Variants in LGALS9 observed in about 807,000 individuals in gnomAD.
LGALS9 encodes the protein galectin-9.
A neutral mutation model predicts 35.9 loss-of-function variants in LGALS9; 26 were observed. The ratio of observed to expected loss-of-function variants is 0.72; its 90% CI spans 0.53 to 1.01. The LOEUF is 1.01. LGALS9 is among the 50% of genes least tolerant of loss of function. LGALS9 has a pLI of 0.00. For synonymous variants in LGALS9, 149 were observed against 172.2 expected (o/e 0.87, Z 1.06); for missense variants, 347 against 445.8 (o/e 0.78, Z 1.99).
rs756596962 is a variant in LGALS9, at chr17:27,645,874, T to C, written c.590T>C (p.Ile197Thr). The C allele has an allele frequency of 3.2e-5, 52 of 1,604,842 alleles. No individual in the cohort carries two copies. Among genetic ancestry groups the C allele is most frequent in the African/African-American group, 5.4e-5 (4 of 74,200 alleles). ...TCTTTCTTCCAGACCCAGACAGTCA[T>C]CCACACAGTGCAGAGCGCCCCTGGA... ...ANPAPITQTVIHTVQSAPGQM... is the reference protein window; with the variant it reads ...ANPAPITQTVTHTVQSAPGQM... The change falls in exon 7 of 11, where the codon ATC becomes ACC. Residue 197 changes from isoleucine (I) to threonine (T), a missense_variant. Ile to Thr is a moderately conservative substitution (Grantham distance 89). Coordinates refer to ENST00000395473, the MANE Select transcript of LGALS9 (RefSeq NM_009587.3).
At chr17:27,646,360 T>C (rs987682247) in intron 7 of LGALS9, among the ~76,000 whole-genome samples, 187 bp from the exon 8 acceptor site, 21 of 152,074 alleles carry the variant, frequency 1.4e-4, no homozygotes, top group Non-Finnish European at 2.2e-4. Flanking sequence ...TGGTGTGGTC[T>C]GGGAACACGG....
chr17:27,649,492 C>T lies in LGALS9; in HGVS notation c.*510C>T, dbSNP rs117905897. 4,440 of 178,414 alleles carry T rather than the reference C, an allele frequency of 0.025. 97 individuals carry two copies. Among genetic ancestry groups the T allele is most frequent in the South Asian group, 0.048 (383 of 7,982 alleles). 11.1% of individuals were successfully genotyped at this position (178,414 alleles called of 1,614,324 possible). A position where few individuals can be genotyped will look rare whatever the true frequency, so the allele number is the denominator to read the frequency against. ...CTCCACCACCTGACCAGAGTGTTCTCTTCAGAGGACTGGCTCCTTTCCCAG... is the reference window on the plus strand; with the variant it reads ...CTCCACCACCTGACCAGAGTGTTCTTTTCAGAGGACTGGCTCCTTTCCCAG... On this transcript the variant is annotated 3_prime_UTR_variant, in exon 11 of 11. Coordinates refer to ENST00000395473, the MANE Select transcript of LGALS9 (RefSeq NM_009587.3).
chr17:27,631,571 A>AG (rs2074393265), intron 1 of LGALS9, among the ~76,000 whole-genome samples: 1 of 152,180 alleles, frequency 6.6e-6, no homozygotes, highest in South Asian at 2.1e-4. Context: ...CTGTGTGCTC[A>AG]GGGGAAGACA....
chr17:27,642,820 C>G (rs1904622508), intron 4 of LGALS9, among the ~76,000 whole-genome samples: 2 of 152,180 alleles, frequency 1.3e-5, no homozygotes, highest in Admixed American at 1.3e-4. Context: ...AGACAGATAT[C>G]AGAGGTCACA....
rs565636636 is a variant in LGALS9 at position 27,642,250 on chromosome 17, G to A, written c.346G>A (p.Gly116Arg). The A allele has an allele frequency of 1.9e-5, 31 of 1,612,784 alleles. No individual in the cohort carries two copies. Among genetic ancestry groups the A allele is most frequent in the Admixed American group, 6.7e-5 (4 of 59,938 alleles). ...TCTCCTCTGGCAGGTGATGGTGAAC[G>A]GGATCCTCTTCGTGCAGTACTTCCA... ...QSSDFKVMVN[G>R]ILFVQYFHRV... Residue 116 changes from glycine to arginine, a missense_variant, in exon 4 of 11, where the codon GGG (glycine) becomes AGG (arginine). Gly to Arg is a moderately radical substitution (Grantham distance 125, BLOSUM62 -2). Coordinates refer to ENST00000395473, the MANE Select transcript of LGALS9 (RefSeq NM_009587.3).
chr17:27,642,508 T>C, intron 4 of LGALS9, 160 bp downstream of exon 4: 2 of 1,147,792 alleles, frequency 1.7e-6, no homozygotes, highest in East Asian at 5.2e-5. Context: ...CCCCTTCTCC[T>C]CTGTCACTCT....
chr17:27,646,659 G>A (rs1382773090), intron 8 of LGALS9, 71 bp downstream of exon 8: 16 of 1,607,928 alleles, frequency 1.0e-5, no homozygotes, highest in Non-Finnish European at 1.3e-5. Flanking sequence ...GGCCGCTGTG[G>A]GGGGATCCAC....
In LGALS9 at chr17:27,643,505, G is replaced by A. The variant is rs772413950; in HGVS notation, c.445-20G>A. On this transcript the variant is annotated intron_variant, in intron 4 of 10. Transcript: ENST00000395473. ...CTATTAATGCTTCTCCTCACTGCCC[G>A]GTGCCTTTTGTTTTAACAGAACCCC... The A allele has an allele frequency of 1.1e-5, 18 of 1,611,236 alleles. No homozygotes were observed. The highest frequency in any genetic ancestry group is 5.5e-5 in the South Asian group (5 of 90,928).
rs376055458 is a variant in LGALS9, at chr17:27,640,189, A to G, written c.132-383A>G. 4.6e-5 allele frequency among the ~76,000 whole-genome samples: 7 copies of G among 152,266 alleles called. No homozygotes were observed. In the East Asian group the frequency reaches 1.4e-3, roughly 29 times the overall value. On this transcript the variant is annotated intron_variant, in intron 2 of 10. Coordinates refer to ENST00000395473, the MANE Select transcript of LGALS9 (RefSeq NM_009587.3). ...TTGTTCTCTTCTTTCCCATTTAATC[A>G]GGCATGTGCTGGCCTCCAACAAGTG...
chr17:27,636,168 C>G (rs1038843699), intron 1 of LGALS9, among the ~76,000 whole-genome samples: 2 of 152,210 alleles, frequency 1.3e-5, no homozygotes, highest in Non-Finnish European at 2.9e-5. Context: ...TGTGGTCACA[C>G]AACTCAACAA....
At chr17:27,642,081 T>G in intron 3 of LGALS9, among the ~76,000 whole-genome samples, 157 bp from the exon 4 acceptor site, 1 of 152,068 alleles carries the variant, frequency 6.6e-6, no homozygotes, top group Middle Eastern at 3.2e-3. Flanking sequence ...AGACTCGGGT[T>G]GATGCACTTT....
chr17:27,639,360 C>T (rs1036366458), intron 2 of LGALS9, among the ~76,000 whole-genome samples: 5 of 151,952 alleles, frequency 3.3e-5, no homozygotes, highest in Non-Finnish European at 7.4e-5. Context: ...CCTCCCCCAC[C>T]CCCCAGCACC....
At chr17:27,636,020 C>T (rs1247035634) in intron 1 of LGALS9, among the ~76,000 whole-genome samples, 4 of 152,140 alleles carry the variant, frequency 2.6e-5, no homozygotes, top group African/African-American at 9.7e-5. Context: ...GAGTTCAGAC[C>T]TGACCTGAGG....
intron 1 of LGALS9, among the ~76,000 whole-genome samples, chr17:27,635,681 G>A (rs1003693246): frequency 1.3e-5 from 2 of 152,030 alleles, no homozygotes; most frequent in Non-Finnish European, 2.9e-5. Flanking sequence ...ATCACGCTCT[G>A]CCTTCAATTC....
intron 1 of LGALS9, among the ~76,000 whole-genome samples, chr17:27,636,083 CAG>C (rs745879753): frequency 6.6e-6 from 1 of 151,944 alleles, no homozygotes; most frequent in Non-Finnish European, 1.5e-5. Context: ...CTAACTGAAT[CAG>C]ATCCCAGATT....
At position 27,645,332 on chromosome 17, in the gene LGALS9, G is replaced by A; in HGVS notation, c.559G>A (p.Ala187Thr). The A allele has an allele frequency of 6.2e-7, 1 of 1,613,776 alleles. No individual in the cohort carries two copies. The highest frequency in any genetic ancestry group is 8.5e-7 in the Non-Finnish European group (1 of 1,179,840). Residue 187 changes from alanine to threonine, a missense_variant, in exon 6 of 11, where the codon GCC becomes ACC. Coordinates refer to ENST00000395473, the MANE Select transcript of LGALS9 (RefSeq NM_009587.3). The stretch of plus-strand genomic sequence containing the variant: ...CCTCCAGCCTCCCGGCGTGTGGCCT[G>A]CCAACCCGGCTCCCATTGTAAGTCT... The part of the protein sequence containing the change: ...RRQKPPGVWP[A>T]NPAPITQTVI...
intron 1 of LGALS9, among the ~76,000 whole-genome samples, chr17:27,634,477 A>AG (rs1352081006): frequency 1.3e-5 from 2 of 151,976 alleles, no homozygotes; most frequent in Admixed American, 6.6e-5. Context: ...CGTGAGCCTG[A>AG]GGAAGTGGAG....
At chr17:27,643,363 A>G (rs1204085011) in intron 4 of LGALS9, among the ~76,000 whole-genome samples, 162 bp from the exon 5 acceptor site, 1 of 152,136 alleles carries the variant, frequency 6.6e-6, no homozygotes, top group East Asian at 1.9e-4. Flanking sequence ...ACTGCTCACC[A>G]GAGCCTGGCT....
chr17:27,631,688 C>T (rs1440202458), intron 1 of LGALS9, among the ~76,000 whole-genome samples: 1 of 152,156 alleles, frequency 6.6e-6, no homozygotes, highest in Non-Finnish European at 1.5e-5. Flanking sequence ...GGTGGCCTCC[C>T]TGGGTCCAGC....
Sources: gnomAD v4.1 joint callset for allele counts (sites outside exome capture counted in the v4.1 genomes callset) on GRCh38, gnomAD v4.1.1 for gene constraint, MANE v1.5 for transcripts, NCBI Gene and HGNC (gene_info 2026-07-23, HGNC 2026-07-21) for gene names.